Variants in KIAA0586 observed in about 807,000 individuals in gnomAD.
KIAA0586 encodes KIAA0586, also known as protein TALPID3.
Under a neutral mutation model 169.8 loss-of-function variants are expected in KIAA0586, and 144 were observed. The observed-to-expected ratio is 0.85, with a 90% CI of 0.74 to 0.97. The LOEUF is 0.97. Ranked by LOEUF, KIAA0586 falls within the 50% of genes least tolerant of loss-of-function variation. The pLI is 0.00. For missense variants in KIAA0586, 1,854 were observed against 1,823.0 expected (o/e 1.02, Z -0.31); for synonymous variants, 625 against 612.4 (o/e 1.02, Z -0.30).
intron 30 of KIAA0586, chr14:58,543,814 C>G (rs936156997): frequency 7.0e-6 from 3 of 428,950 alleles, no homozygotes; most frequent in Non-Finnish European, 1.4e-5. Context: ...GATCCGTCTC[C>G]CGTCTCTCTA....
At chr14:58,472,524 T>A (rs1331332857) in intron 18 of KIAA0586, among the ~76,000 whole-genome samples, 1 of 152,036 alleles carries the variant, frequency 6.6e-6, no homozygotes, top group Non-Finnish European at 1.5e-5. Context: ...TGTCTATCTG[T>A]TTCCTGCTTT....
At chr14:58,466,603 A>C (rs1342914950) in intron 15 of KIAA0586, among the ~76,000 whole-genome samples, 1 of 151,954 alleles carries the variant, frequency 6.6e-6, no homozygotes, top group Non-Finnish European at 1.5e-5. Context: ...GATGGCTAAC[A>C]CCTGTAGTCC....
At chr14:58,540,604 C>G (rs1445877923) in intron 30 of KIAA0586, among the ~76,000 whole-genome samples, 1 of 152,068 alleles carries the variant, frequency 6.6e-6, no homozygotes, top group Non-Finnish European at 1.5e-5. Flanking sequence ...TTTATTCTTC[C>G]TATAAGAACT....
At chr14:58,499,610 A>G (rs1238894599) in intron 27 of KIAA0586, among the ~76,000 whole-genome samples, 2 of 143,524 alleles carry the variant, frequency 1.4e-5, no homozygotes, top group African/African-American at 5.2e-5. Flanking sequence ...CCAGGGTGGA[A>G]TGCAATGGCA....
chr14:58,532,185 G>GAA (rs973711401), intron 29 of KIAA0586, among the ~76,000 whole-genome samples: 38 of 143,048 alleles, frequency 2.7e-4, no homozygotes, highest in African/African-American at 8.7e-4. Context: ...ATGTGTAATT[G>GAA]AAAAAAAAAA....
chr14:58,427,451 C>T, upstream of KIAA0586: 1 of 746,288 alleles, frequency 1.3e-6, no homozygotes, highest in East Asian at 2.8e-5. Context: ...CCCTGGTAAA[C>T]ACAAGTAGTA....
At chr14:58,445,975 TCTC>T (rs1409906564) in intron 6 of KIAA0586, among the ~76,000 whole-genome samples, 2 of 151,482 alleles carry the variant, frequency 1.3e-5, no homozygotes, top group Non-Finnish European at 2.9e-5. Flanking sequence ...TTCAAGCGAT[TCTC>T]CTGCCACAGC....
At position 58,525,359 on chromosome 14, in the gene KIAA0586, C is replaced by G. The variant is rs148111520; in HGVS notation, c.4429+12732C>G. Among the ~76,000 whole-genome samples the G allele has an allele frequency of 1.3e-4, 19 of 151,884 alleles. 2 individuals are homozygous for G. The East Asian group carries it at 3.3e-3, about 27-fold the overall frequency. On this transcript the variant is annotated intron_variant, in intron 29 of 30. Coordinates refer to ENST00000652326, the MANE Select transcript of KIAA0586 (RefSeq NM_001329943.3). ...ATTTCTGCATTTCCAACTGAGGTAC[C>G]TGGCTCATCTCATTGGGACTGGTTA...
the KIAA0586 span, among the ~76,000 whole-genome samples, chr14:58,559,134 T>C: frequency 6.6e-6 from 1 of 152,250 alleles, no homozygotes; most frequent in Non-Finnish European, 1.5e-5. Context: ...GACATCTCTT[T>C]CAGGCTTCCA....
At chr14:58,496,997 G>A (rs11158207) in intron 26 of KIAA0586, among the ~76,000 whole-genome samples, 1,762 of 148,696 alleles carry the variant, frequency 0.012, 45 homozygotes, top group African/African-American at 0.042. Context: ...TTTTTGAGAC[G>A]GAGTTTCGCT....
At chr14:58,428,521 A>T in intron 1 of KIAA0586, 58 bp downstream of exon 1, 1 of 1,244,506 alleles carries the variant, frequency 8.0e-7, no homozygotes, top group Admixed American at 2.0e-5. Context: ...TTTAGTCCTT[A>T]TTTGTTTAAA....
chr14:58,496,683 A>G (rs1354973284), intron 26 of KIAA0586, among the ~76,000 whole-genome samples: 1 of 152,164 alleles, frequency 6.6e-6, no homozygotes, highest in Non-Finnish European at 1.5e-5. Context: ...TTTAGATTTT[A>G]TTTTATAGTC....
chr14:58,486,012 A>C (rs1343027927), intron 21 of KIAA0586, among the ~76,000 whole-genome samples: 4 of 152,126 alleles, frequency 2.6e-5, no homozygotes, highest in African/African-American at 9.7e-5. Flanking sequence ...TAGGGGGTAC[A>C]TGTGTGGGAT....
chr14:58,494,313 A>G (rs1431939401), intron 26 of KIAA0586, among the ~76,000 whole-genome samples: 5 of 111,490 alleles, frequency 4.5e-5, no homozygotes, highest in African/African-American at 1.3e-4. Context: ...CATACTTGAC[A>G]TTCTTGTTTT....
At chr14:58,561,894 A>G in the KIAA0586 span, among the ~76,000 whole-genome samples, 1 of 152,174 alleles carries the variant, frequency 6.6e-6, no homozygotes, top group Admixed American at 6.5e-5. Context: ...TTCGTACACA[A>G]GAAATCTTTT....
At chr14:58,494,936 A>G (rs575413412) in intron 26 of KIAA0586, among the ~76,000 whole-genome samples, 1 of 152,222 alleles carries the variant, frequency 6.6e-6, no homozygotes, top group South Asian at 2.1e-4. Flanking sequence ...GGAGGAAGAA[A>G]CAATGACTTT....
intron 6 of KIAA0586, among the ~76,000 whole-genome samples, chr14:58,447,637 C>T (rs1186043799): frequency 1.3e-5 from 2 of 151,974 alleles, no homozygotes; most frequent in African/African-American, 2.4e-5. Context: ...CCCACCACCA[C>T]ACCCAGCTAA....
chr14:58,532,568 A>AT (rs1327765158), intron 29 of KIAA0586, among the ~76,000 whole-genome samples: 3 of 150,892 alleles, frequency 2.0e-5, no homozygotes, highest in Admixed American at 2.0e-4. Flanking sequence ...ATCTATTATT[A>AT]TTATTATAAG....
chr14:58,518,042 T>A (rs1955415652), intron 29 of KIAA0586, among the ~76,000 whole-genome samples: 1 of 152,174 alleles, frequency 6.6e-6, no homozygotes, highest in African/African-American at 2.4e-5. Flanking sequence ...ATATCTTGAT[T>A]GGGGTAGTGT....
Sources: allele counts gnomAD v4.1 joint callset (sites outside exome capture counted in the v4.1 genomes callset), GRCh38; gene constraint gnomAD v4.1.1; transcripts MANE v1.5; gene names NCBI Gene and HGNC (gene_info 2026-07-23, HGNC 2026-07-21).